HACD2: variants seen among roughly 807,000 people sequenced by gnomAD.
The protein encoded by HACD2 is very-long-chain (3R)-3-hydroxyacyl-CoA dehydratase 2.
Under a neutral mutation model 31.0 loss-of-function variants are expected in HACD2, and 15 were observed. That is an observed-to-expected ratio of 0.48 (90% CI 0.32 to 0.75). HACD2 has a LOEUF of 0.75. HACD2 is among the 30% of genes least tolerant of loss of function. HACD2 has a pLI of 0.03. For synonymous variants in HACD2, 115 were observed against 122.2 expected, an observed-to-expected ratio of 0.94 and a Z score of 0.39; for missense variants, 283 against 313.0, an observed-to-expected ratio of 0.90 and a Z score of 0.72.
chr3:123,509,499 CTTCTT>C (rs1250843326), intron 4 of HACD2, among the ~76,000 whole-genome samples: 2 of 32,806 alleles, frequency 6.1e-5, no homozygotes, highest in East Asian at 8.1e-4. Flanking sequence ...CTTCCTGTGA[CTTCTT>C]TTTTTTTTTT....
intron 3 of HACD2, among the ~76,000 whole-genome samples, chr3:123,548,157 T>C (rs529019039): frequency 4.6e-5 from 7 of 152,096 alleles, no homozygotes; most frequent in Non-Finnish European, 8.8e-5. Flanking sequence ...AATTCTCTGC[T>C]AGGGCGTGAT....
intron 2 of HACD2, 32 bp downstream of exon 2, chr3:123,582,180 A>G: frequency 7.4e-7 from 1 of 1,353,942 alleles, no homozygotes; most frequent in Non-Finnish European, 1.0e-6. Flanking sequence ...TACCAATGGA[A>G]ATCAATAACA....
intron 6 of HACD2, among the ~76,000 whole-genome samples, chr3:123,498,644 C>T (rs1168717457): frequency 1.3e-5 from 2 of 152,198 alleles, no homozygotes; most frequent in Non-Finnish European, 2.9e-5. Context: ...CATCCTGAAA[C>T]CATCCCCTCC....
chr3:123,514,101 C>T (rs938745918), intron 4 of HACD2, among the ~76,000 whole-genome samples: 1 of 152,032 alleles, frequency 6.6e-6, no homozygotes, highest in African/African-American at 2.4e-5. Flanking sequence ...ATGGTGAAAC[C>T]CTGCCACTAC....
intron 3 of HACD2, among the ~76,000 whole-genome samples, chr3:123,532,232 T>C (rs1457485561): frequency 6.6e-6 from 1 of 152,232 alleles, no homozygotes; most frequent in Non-Finnish European, 1.5e-5. Flanking sequence ...CCGTTCTCTA[T>C]CCAGTGAACT....
intron 4 of HACD2, among the ~76,000 whole-genome samples, chr3:123,508,443 A>G (rs907522572): frequency 1.3e-5 from 2 of 152,242 alleles, no homozygotes; most frequent in African/African-American, 2.4e-5. Context: ...TTACACACAA[A>G]TAGCATCATA....
At chr3:123,529,005 C>T (rs887167753) in intron 3 of HACD2, among the ~76,000 whole-genome samples, 1 of 43,874 alleles carries the variant, frequency 2.3e-5, no homozygotes, top group Non-Finnish European at 8.8e-5. Flanking sequence ...ATCTTTAAAA[C>T]CTTTTTTTTT....
intron 6 of HACD2, among the ~76,000 whole-genome samples, chr3:123,500,120 C>G (rs950061284): frequency 1.3e-5 from 2 of 152,128 alleles, no homozygotes; most frequent in Non-Finnish European, 2.9e-5. Flanking sequence ...ATATAGTAAC[C>G]AATGCAAAAA....
intron 2 of HACD2, among the ~76,000 whole-genome samples, chr3:123,573,219 C>T (rs2056873604): frequency 6.6e-6 from 1 of 152,158 alleles, no homozygotes; most frequent in Non-Finnish European, 1.5e-5. Flanking sequence ...ATATAGTCTT[C>T]AAGGATAGAC....
In HACD2 at chr3:123,509,041, G is replaced by A. The variant is rs2056016087; in HGVS notation, c.382-6360C>T. ...CCCATTGCCAAATACCATCGCGCTG[G>A]GGGTTAGGGCTTCAAGGTATGAATT... is the stretch of plus-strand genomic sequence containing the variant. On this transcript the variant is annotated intron_variant, in intron 4 of 6. Transcript: ENST00000383657. Among the ~76,000 whole-genome samples, 3 of 152,104 alleles carry A rather than the reference G, an allele frequency of 2.0e-5. No homozygotes were observed. In the South Asian group the frequency reaches 6.2e-4, roughly 32 times the overall value.
intron 3 of HACD2, among the ~76,000 whole-genome samples, chr3:123,537,744 C>T (rs757579884): frequency 6.6e-6 from 1 of 151,960 alleles, no homozygotes; most frequent in Non-Finnish European, 1.5e-5. Context: ...GAAGAGAATG[C>T]TCTCTGGAAT....
chr3:123,570,328 G>A (rs1416912209), intron 2 of HACD2, among the ~76,000 whole-genome samples: 1 of 151,996 alleles, frequency 6.6e-6, no homozygotes, highest in African/African-American at 2.4e-5. Context: ...TTGTAAATGG[G>A]GACATAATGA....
chr3:123,517,370 C>T (rs889452551), intron 4 of HACD2, among the ~76,000 whole-genome samples: 1 of 152,168 alleles, frequency 6.6e-6, no homozygotes, highest in Admixed American at 6.5e-5. Flanking sequence ...CTCCAAAAAG[C>T]GTGTTACTAA....
At chr3:123,561,367 C>T (rs1347355854) in intron 3 of HACD2, among the ~76,000 whole-genome samples, 1 of 152,038 alleles carries the variant, frequency 6.6e-6, no homozygotes, top group Non-Finnish European at 1.5e-5. Context: ...TATCTGAAAC[C>T]ACAAATCCAG....
In HACD2 at chr3:123,492,953, G is replaced by A. The variant is rs985781982; in HGVS notation, c.*1935C>T. ...TCTAATTTCAACATGTCCAAGTTGA[G>A]TGCTGACTTTAAGAAGCAGAATTTT... On this transcript the variant is annotated 3_prime_UTR_variant, in exon 7 of 7. Transcript: ENST00000383657. 3.3e-5 allele frequency: 5 copies of A among 152,202 alleles called. No homozygotes were observed. Among genetic ancestry groups the A allele is most frequent in the African/African-American group, 4.8e-5 (2 of 41,450 alleles). The allele number at this position is 152,202 out of a possible 1,614,324, so 9.4% of individuals were successfully genotyped here. A position where few individuals can be genotyped will look rare whatever the true frequency, so the allele number is the denominator to read the frequency against.
chr3:123,567,113 A>G (rs539389097), intron 3 of HACD2, among the ~76,000 whole-genome samples: 111 of 152,288 alleles, frequency 7.3e-4, no homozygotes, highest in Middle Eastern at 3.4e-3. Context: ...AGCAATCACT[A>G]CGGTCTTGCT....
intron 6 of HACD2, among the ~76,000 whole-genome samples, chr3:123,497,722 C>T (rs1003265259): frequency 6.6e-6 from 1 of 152,156 alleles, no homozygotes; most frequent in Non-Finnish European, 1.5e-5. Flanking sequence ...TATATTGCAA[C>T]TACAGCAGAA....
At chr3:123,509,029 AC>A (rs2056015678) in intron 4 of HACD2, among the ~76,000 whole-genome samples, 1 of 152,010 alleles carries the variant, frequency 6.6e-6, no homozygotes, top group South Asian at 2.1e-4. Context: ...ATTGCCAAAT[AC>A]CATCGCGCTG....
At chr3:123,550,802 G>A (rs1397384584) in intron 3 of HACD2, among the ~76,000 whole-genome samples, 2 of 152,190 alleles carry the variant, frequency 1.3e-5, no homozygotes, top group African/African-American at 4.8e-5. Flanking sequence ...GTATGTGGGA[G>A]CCACTGAAGC....
Sources: gnomAD v4.1 joint callset for allele counts (sites outside exome capture counted in the v4.1 genomes callset) on GRCh38, gnomAD v4.1.1 for gene constraint, MANE v1.5 for transcripts, NCBI Gene and HGNC (gene_info 2026-07-23, HGNC 2026-07-21) for gene names.